Variants in HIGD1C observed in about 807,000 individuals in gnomAD.
The protein encoded by HIGD1C is HIG1 hypoxia inducible domain family member 1C.
HIGD1C carries 11 observed loss-of-function variants against 13.1 expected under a neutral mutation model. That is an observed-to-expected ratio of 0.84 (90% confidence interval 0.53 to 1.39). The LOEUF is 1.39. HIGD1C is among the 40% of genes most tolerant of loss of function. The pLI is 0.00. For missense variants in HIGD1C, 110 were observed against 112.0 expected (o/e 0.98, Z 0.08); for synonymous variants, 36 against 37.7 (o/e 0.95, Z 0.17).
upstream of HIGD1C, among the ~76,000 whole-genome samples, chr12:50,952,611 G>A (rs554394496): frequency 1.5e-4 from 23 of 152,304 alleles, no homozygotes; most frequent in African/African-American, 5.5e-4. Context: ...CTCACACACA[G>A]GCGCAGGGAC....
chr12:50,972,153 G>T (rs1450365813), downstream of HIGD1C, among the ~76,000 whole-genome samples: 1 of 152,156 alleles, frequency 6.6e-6, no homozygotes, highest in South Asian at 2.1e-4. Context: ...CTTTCATGTT[G>T]GTTGTGCAAT....
downstream of HIGD1C, among the ~76,000 whole-genome samples, chr12:50,970,728 C>T (rs1236403766): frequency 6.6e-6 from 1 of 152,046 alleles, no homozygotes; most frequent in Non-Finnish European, 1.5e-5. Context: ...GAACCTAGGG[C>T]ATGATTTTCT....
At chr12:50,934,048 A>G in the HIGD1C span, among the ~76,000 whole-genome samples, 1 of 152,220 alleles carries the variant, frequency 6.6e-6, no homozygotes, top group Non-Finnish European at 1.5e-5. Flanking sequence ...ACTTGTTGCA[A>G]GTAATAAAAT....
the HIGD1C span, chr12:50,935,387 GTAT>G: frequency 1.3e-5 from 2 of 152,328 alleles, no homozygotes; most frequent in African/African-American, 4.8e-5. Flanking sequence ...AATGTGCAAG[GTAT>G]TATTTTGTTT....
the HIGD1C span, chr12:50,935,276 A>G: frequency 3.9e-5 from 6 of 152,234 alleles, no homozygotes; most frequent in Non-Finnish European, 8.8e-5. Flanking sequence ...AAAAAATAAA[A>G]AGAATTCCCT....
chr12:50,970,144 A>G (rs965600027), intron 2 of HIGD1C, among the ~76,000 whole-genome samples: 1 of 152,160 alleles, frequency 6.6e-6, no homozygotes, highest in African/African-American at 2.4e-5. Context: ...GATGACTACT[A>G]TTTTTATCTT....
intron 1 of HIGD1C, among the ~76,000 whole-genome samples, chr12:50,954,534 C>T (rs1320636162): frequency 1.3e-5 from 2 of 152,136 alleles, no homozygotes; most frequent in Non-Finnish European, 2.9e-5. Flanking sequence ...ATAGATTTTT[C>T]TGTTTCTATC....
chr12:50,950,974 G>A (rs949396745), upstream of HIGD1C, among the ~76,000 whole-genome samples: 11 of 150,838 alleles, frequency 7.3e-5, no homozygotes, highest in Admixed American at 3.3e-4. Context: ...ATGAGCCACC[G>A]CGCCCGGCCA....
At chr12:50,963,603 G>A (rs145841229) in intron 2 of HIGD1C, among the ~76,000 whole-genome samples, 1 of 152,210 alleles carries the variant, frequency 6.6e-6, no homozygotes, top group East Asian at 1.9e-4. Flanking sequence ...AGAAGGTGAA[G>A]GAGAAAATTC....
At chr12:50,964,136 G>A (rs1453124704) in intron 2 of HIGD1C, among the ~76,000 whole-genome samples, 1 of 147,840 alleles carries the variant, frequency 6.8e-6, no homozygotes, top group Admixed American at 6.7e-5. Flanking sequence ...GTAAATGGAC[G>A]TGGGGAATAG....
At chr12:50,965,388 G>T (rs1379462715) in intron 2 of HIGD1C, among the ~76,000 whole-genome samples, 1 of 151,196 alleles carries the variant, frequency 6.6e-6, no homozygotes, top group African/African-American at 2.4e-5. Context: ...CTCCCAAAGT[G>T]CTGGGATTAC....
At chr12:50,934,331 T>G in the HIGD1C span, among the ~76,000 whole-genome samples, 11 of 152,222 alleles carry the variant, frequency 7.2e-5, no homozygotes, top group Admixed American at 6.5e-4. Context: ...GTTGTGTCAT[T>G]GGTTGAGTCT....
intron 2 of HIGD1C, among the ~76,000 whole-genome samples, chr12:50,965,303 T>TG (rs1939500048): frequency 6.6e-6 from 1 of 150,608 alleles, no homozygotes; most frequent in Non-Finnish European, 1.5e-5. Flanking sequence ...TTTTTTTTTT[T>TG]GTAGAGGTGA....
chr12:50,952,711 G>A (rs1013903585), upstream of HIGD1C, among the ~76,000 whole-genome samples: 4 of 152,186 alleles, frequency 2.6e-5, no homozygotes, highest in African/African-American at 7.2e-5. Flanking sequence ...TGGCCTTACC[G>A]CCAGGTGAGC....
chr12:50,970,628 T>TATTTCAAGTC, downstream of HIGD1C: 1 of 633,488 alleles, frequency 1.6e-6, no homozygotes, highest in Non-Finnish European at 2.8e-6. Flanking sequence ...ATAGCCTTTG[T>TATTTCAAGTC]ATTTCAAGTC....
At chr12:50,939,113 T>C in the HIGD1C span, among the ~76,000 whole-genome samples, 3 of 152,212 alleles carry the variant, frequency 2.0e-5, no homozygotes, top group African/African-American at 7.2e-5. Context: ...CTACTCACCA[T>C]TTCCAGAATG....
At chr12:50,963,423 G>A (rs1370922314) in intron 2 of HIGD1C, among the ~76,000 whole-genome samples, 1 of 147,912 alleles carries the variant, frequency 6.8e-6, no homozygotes, top group African/African-American at 2.5e-5. Context: ...GTAGAAGCAA[G>A]GAAAATCCAG....
chr12:50,959,506 T>C (rs1289753887), intron 1 of HIGD1C, among the ~76,000 whole-genome samples: 2 of 152,226 alleles, frequency 1.3e-5, no homozygotes, highest in Admixed American at 1.3e-4. Context: ...TGCATTTAAC[T>C]CTTACTTATC....
At chr12:50,945,214 G>C in the HIGD1C span, among the ~76,000 whole-genome samples, 1 of 152,144 alleles carries the variant, frequency 6.6e-6, no homozygotes, top group South Asian at 2.1e-4. Flanking sequence ...ATTCAACATA[G>C]TGTTGGAAGT....
Sources: gnomAD v4.1 joint callset for allele counts (sites outside exome capture counted in the v4.1 genomes callset) on GRCh38, gnomAD v4.1.1 for gene constraint, MANE v1.5 for transcripts, NCBI Gene and HGNC (gene_info 2026-07-23, HGNC 2026-07-21) for gene names.